The following VEPH1 variants were observed in gnomAD, a reference collection of about 807,000 sequenced individuals.
VEPH1 encodes ventricular zone expressed PH domain containing 1.
VEPH1 carries 80 observed loss-of-function variants against 85.2 expected under a neutral mutation model. The ratio of observed to expected loss-of-function variants is 0.94; its 90% CI spans 0.78 to 1.13. The LOEUF is 1.13. Among genes scored for constraint, VEPH1 ranks in the 50% most tolerant of loss-of-function variants. The pLI is 0.00. For missense variants in VEPH1, 955 were observed against 980.5 expected (o/e 0.97, Z 0.35); for synonymous variants, 297 against 348.0 (o/e 0.85, Z 1.63).
chr3:157,497,275 C>T (rs1438082187), intron 1 of VEPH1, among the ~76,000 whole-genome samples: 1 of 152,144 alleles, frequency 6.6e-6, no homozygotes, highest in Admixed American at 6.5e-5. Context: ...CTCCTGGATC[C>T]TTGCCCATTC....
chr3:157,379,095 CT>C (rs1728472104), intron 7 of VEPH1, among the ~76,000 whole-genome samples: 1 of 152,204 alleles, frequency 6.6e-6, no homozygotes, highest in Non-Finnish European at 1.5e-5. Context: ...AATTCCTGTG[CT>C]AAGAGCTGTG....
At chr3:157,431,510 T>C (rs958344264) in intron 4 of VEPH1, among the ~76,000 whole-genome samples, 2 of 152,194 alleles carry the variant, frequency 1.3e-5, no homozygotes, top group Non-Finnish European at 2.9e-5. Context: ...ACCCTTGTGA[T>C]TGTATTGGGT....
At chr3:157,496,194 G>A (rs76986392) in intron 1 of VEPH1, among the ~76,000 whole-genome samples, 10 of 152,328 alleles carry the variant, frequency 6.6e-5, no homozygotes, top group Non-Finnish European at 1.3e-4. Context: ...AAAGAGGAGG[G>A]CTTTGGGATC....
intron 13 of VEPH1, among the ~76,000 whole-genome samples, chr3:157,262,586 G>A (rs934617708): frequency 6.6e-6 from 1 of 151,954 alleles, no homozygotes; most frequent in Non-Finnish European, 1.5e-5. Context: ...TTAAAAAAGA[G>A]TTAATTTATG....
intron 12 of VEPH1, among the ~76,000 whole-genome samples, chr3:157,266,111 T>C (rs901161218): frequency 6.7e-6 from 1 of 150,202 alleles, no homozygotes; most frequent in Non-Finnish European, 1.5e-5. Context: ...ATTTCCATGC[T>C]TTATGACACA....
intron 9 of VEPH1, among the ~76,000 whole-genome samples, chr3:157,344,808 G>A (rs1724014730): frequency 6.6e-6 from 1 of 152,126 alleles, no homozygotes; most frequent in South Asian, 2.1e-4. Flanking sequence ...AAACATCATG[G>A]TACTGGTACC....
chr3:157,306,994 T>C (rs1719582663), intron 11 of VEPH1, among the ~76,000 whole-genome samples: 2 of 152,038 alleles, frequency 1.3e-5, no homozygotes, highest in Admixed American at 6.5e-5. Context: ...GGCCTCCTGC[T>C]CCAGCCAAGT....
intron 4 of VEPH1, among the ~76,000 whole-genome samples, chr3:157,456,588 AT>A (rs1735402697): frequency 1.3e-5 from 2 of 152,308 alleles, no homozygotes; most frequent in Non-Finnish European, 2.9e-5. Flanking sequence ...TCTTCTGCAT[AT>A]GACTAGGCAG....
At chr3:157,302,071 C>A (rs1348405355) in intron 11 of VEPH1, among the ~76,000 whole-genome samples, 1 of 150,538 alleles carries the variant, frequency 6.6e-6, no homozygotes, top group African/African-American at 2.5e-5. Flanking sequence ...TACCACCATG[C>A]CAGAAACTTG....
chr3:157,356,642 G>T (rs1383162072), intron 9 of VEPH1, among the ~76,000 whole-genome samples: 1 of 151,864 alleles, frequency 6.6e-6, no homozygotes, highest in Non-Finnish European at 1.5e-5. Flanking sequence ...CAGTTTCCTG[G>T]CTACCAACTC....
chr3:157,382,784 T>C (rs1177189235), intron 6 of VEPH1, among the ~76,000 whole-genome samples: 1 of 152,192 alleles, frequency 6.6e-6, no homozygotes, highest in Non-Finnish European at 1.5e-5. Flanking sequence ...GTGACTCCTG[T>C]GTAAATTTTT....
Position 157,492,968 on chromosome 3 carries a change from C to T in VEPH1, c.138+2244G>A, listed in dbSNP as rs1739351225. ...GGCACCGTCCTCATGATAAATCACCCCCTGCTGATATCTTTCTTAAAACTA... is the reference window on the plus strand; with the variant it reads ...GGCACCGTCCTCATGATAAATCACCTCCTGCTGATATCTTTCTTAAAACTA... On this transcript the variant is annotated intron_variant, in intron 2 of 13. Coordinates refer to ENST00000362010, the MANE Select transcript of VEPH1 (RefSeq NM_001167912.2). Among the ~76,000 whole-genome samples the T allele has an allele frequency of 3.3e-5, 5 of 152,068 alleles. No individual in the cohort carries two copies. The South Asian group carries it at 1.0e-3, about 32-fold the overall frequency.
At chr3:157,491,803 T>C (rs188607453) in intron 2 of VEPH1, among the ~76,000 whole-genome samples, 1 of 152,328 alleles carries the variant, frequency 6.6e-6, no homozygotes, top group East Asian at 1.9e-4. Flanking sequence ...TTTAAACTTA[T>C]CTAATTACAA....
At chr3:157,284,959 T>A (rs1716586516) in intron 12 of VEPH1, 1 of 152,186 alleles carries the variant, frequency 6.6e-6, no homozygotes, top group Non-Finnish European at 1.5e-5. Context: ...AAGGAACACT[T>A]TGTGTTTTTA....
intron 6 of VEPH1, among the ~76,000 whole-genome samples, chr3:157,389,640 TAGATAGATA>T (rs1729649652): frequency 2.9e-5 from 2 of 67,928 alleles, no homozygotes; most frequent in Admixed American, 2.5e-4. Context: ...GATAGATAGA[TAGATAGATA>T]GATAGATAGA....
In VEPH1 at chr3:157,261,109, A is replaced by C; in HGVS notation, c.*25T>G. The C allele has an allele frequency of 6.2e-7, 1 of 1,603,396 alleles. No homozygotes were observed. Among genetic ancestry groups the C allele is most frequent in the East Asian group, 2.3e-5 (1 of 44,212 alleles). On this transcript the variant is annotated 3_prime_UTR_variant, in exon 14 of 14. Transcript: ENST00000362010. ...GATAATACAATGCCTGTGGTGTATA[A>C]TTGTCATGGCTGACTTATAAATCCC...
chr3:157,313,224 G>A (rs1053669905), intron 11 of VEPH1, among the ~76,000 whole-genome samples: 47 of 151,624 alleles, frequency 3.1e-4, no homozygotes, highest in African/African-American at 1.0e-3. Context: ...TTTTAAGATG[G>A]AGTCTTGCCA....
At chr3:157,265,770 G>T in intron 12 of VEPH1, 108 bp from the exon 13 acceptor site, 1 of 1,114,782 alleles carries the variant, frequency 9.0e-7, no homozygotes, top group Non-Finnish European at 1.2e-6. Flanking sequence ...AGCACACCTG[G>T]AAAGTAGGCT....
chr3:157,271,833 G>A (rs1014957112), intron 12 of VEPH1, among the ~76,000 whole-genome samples: 5 of 151,984 alleles, frequency 3.3e-5, no homozygotes, highest in African/African-American at 1.2e-4. Context: ...GATATACGAG[G>A]GAACTTCAAA....
Sources: allele counts gnomAD v4.1 joint callset (sites outside exome capture counted in the v4.1 genomes callset), GRCh38; gene constraint gnomAD v4.1.1; transcripts MANE v1.5; gene names NCBI Gene and HGNC (gene_info 2026-07-23, HGNC 2026-07-21).